CSDC2: variants seen among roughly 807,000 people sequenced by gnomAD.
CSDC2 encodes the protein cold shock domain-containing protein C2.
In CSDC2, 8 loss-of-function variants were observed where a neutral mutation model predicts 15.8. The observed-to-expected ratio is 0.51, with a 90% CI of 0.30 to 0.92. The LOEUF is 0.92. CSDC2 is among the 40% of genes least tolerant of loss of function. The pLI, the probability that CSDC2 is intolerant of heterozygous loss-of-function variation, is 0.07. For synonymous variants in CSDC2, 96 were observed against 92.3 expected, an observed-to-expected ratio of 1.04 and a Z score of -0.23; for missense variants, 195 against 213.3, an observed-to-expected ratio of 0.91 and a Z score of 0.53.
At chr22:41,564,479 C>G (rs1323779349) in intron 1 of CSDC2, among the ~76,000 whole-genome samples, 2 of 152,032 alleles carry the variant, frequency 1.3e-5, no homozygotes, top group Non-Finnish European at 2.9e-5. Flanking sequence ...CCAGGATGGT[C>G]TCAATCTCCT....
Position 41,561,045 on chromosome 22 carries a change from G to GACACACAGACACACAGAC in CSDC2, c.-255_-254insGACACACAGACACACACA, listed in dbSNP as rs560868541. On this transcript the variant is annotated 5_prime_UTR_variant, in exon 1 of 4. Coordinates refer to ENST00000306149, the MANE Select transcript of CSDC2 (RefSeq NM_014460.4). The stretch of plus-strand genomic sequence containing the variant: ...GGTACCGCCCGCGCGAGCACACACA[G>GACACACAGACACACAGAC]ACACACACACACACACACACACACA... 1.5e-5 allele frequency: 2 copies of GACACACAGACACACAGAC among 132,060 alleles called. No individual in the cohort carries two copies. The highest frequency in any genetic ancestry group is 5.7e-5 in the African/African-American group (2 of 35,206). 8.2% of individuals were successfully genotyped at this position (132,060 alleles called of 1,614,324 possible). A position where few individuals can be genotyped will look rare whatever the true frequency, so the allele number is the denominator to read the frequency against.
chr22:41,570,982 CAA>C (rs527329866), intron 1 of CSDC2, among the ~76,000 whole-genome samples: 9 of 82,378 alleles, frequency 1.1e-4, no homozygotes, highest in African/African-American at 9.3e-5. Context: ...GACCATGTCT[CAA>C]AAAAAAAAAA....
intron 1 of CSDC2, among the ~76,000 whole-genome samples, chr22:41,569,688 G>T (rs1328908207): frequency 6.6e-6 from 1 of 151,888 alleles, no homozygotes; most frequent in Non-Finnish European, 1.5e-5. Context: ...TCTGCTGATG[G>T]GCTCGGGCTG....
At chr22:41,574,126 C>T (rs976431012) in intron 3 of CSDC2, among the ~76,000 whole-genome samples, 1 of 152,160 alleles carries the variant, frequency 6.6e-6, no homozygotes, top group African/African-American at 2.4e-5. Flanking sequence ...CTAGGCCTGG[C>T]CCCACCCACT....
In CSDC2 at chr22:41,574,793, C is replaced by G. The variant is rs372256458; in HGVS notation, c.360C>G (p.Ile120Met). Residue 120 changes from isoleucine to methionine, a missense_variant, in exon 4 of 4, where the codon ATC becomes ATG. Transcript: ENST00000306149. ...GDEVTYKMCP[I>M]PPKNQKFQAV... Reference sequence around the variant, plus strand: ...AGGTGACCTACAAGATGTGCCCTATCCCTCCCAAGAACCAGAAGTTCCAGG... The same window carrying G: ...AGGTGACCTACAAGATGTGCCCTATGCCTCCCAAGAACCAGAAGTTCCAGG... 11 of 1,613,756 alleles carry G rather than the reference C, an allele frequency of 6.8e-6. No individual in the cohort carries two copies. In the African/African-American group the frequency reaches 1.2e-4, roughly 18 times the overall value.
At position 41,572,226 on chromosome 22, in the gene CSDC2, C is replaced by T. The variant is rs934979606; in HGVS notation, c.176+85C>T. 20 of 1,157,884 alleles carry T rather than the reference C, an allele frequency of 1.7e-5. No individual in the cohort carries two copies. The Middle Eastern group carries it at 1.1e-3, about 62-fold the overall frequency. 71.7% of individuals were successfully genotyped at this position (1,157,884 alleles called of 1,614,324 possible). A position where few individuals can be genotyped will look rare whatever the true frequency, so the allele number is the denominator to read the frequency against. ...CCATCCTCTTCCAACTCCTGTTGTC[C>T]TCACCTGGGACAGGGGAACTGTGTG... is the stretch of plus-strand genomic sequence containing the variant. On this transcript the variant is annotated intron_variant, in intron 2 of 3. Coordinates refer to ENST00000306149, the MANE Select transcript of CSDC2 (RefSeq NM_014460.4).
At chr22:41,567,752 T>C (rs2067123670) in intron 1 of CSDC2, among the ~76,000 whole-genome samples, 1 of 152,370 alleles carries the variant, frequency 6.6e-6, no homozygotes, top group African/African-American at 2.4e-5. Context: ...AGACTTTGAT[T>C]GGTGTGTGTC....
chr22:41,566,143 T>TAAAA (rs35579661), intron 1 of CSDC2, among the ~76,000 whole-genome samples: 50 of 103,288 alleles, frequency 4.8e-4, no homozygotes, highest in Non-Finnish European at 8.7e-4. Flanking sequence ...CATCTCTGAT[T>TAAAA]AAAAAAAAAA....
At chr22:41,569,448 C>A (rs2067133747) in intron 1 of CSDC2, among the ~76,000 whole-genome samples, 4 of 152,166 alleles carry the variant, frequency 2.6e-5, no homozygotes. Flanking sequence ...TCCTTCCCAG[C>A]CCTGGTGACC....
At chr22:41,573,870 C>A in intron 3 of CSDC2, 93 bp downstream of exon 3, 1 of 1,464,538 alleles carries the variant, frequency 6.8e-7, no homozygotes, top group Non-Finnish European at 9.3e-7. Context: ...CTCTCACTGG[C>A]TGAGGTCTGT....
chr22:41,565,613 G>C (rs1395464300), intron 1 of CSDC2, among the ~76,000 whole-genome samples: 1 of 152,092 alleles, frequency 6.6e-6, no homozygotes, highest in Non-Finnish European at 1.5e-5. Flanking sequence ...AAAAGTAAGA[G>C]AGAACCATGA....
rs2067169513 is a variant in CSDC2 at position 41,575,275 on chromosome 22, T to C, written c.*380T>C. On this transcript the variant is annotated 3_prime_UTR_variant, in exon 4 of 4. Coordinates refer to ENST00000306149, the MANE Select transcript of CSDC2 (RefSeq NM_014460.4). ...CACTCCCTGGCCTCCGCCCCTGAGC[T>C]GTCCCGTGTCAGTCCCTGGCCCGGA... 4.1e-6 allele frequency: 1 copy of C among 245,484 alleles called. No individual in the cohort carries two copies. The allele number at this position is 245,484 out of a possible 1,614,324, so 15.2% of individuals were successfully genotyped here.
At chr22:41,573,081 A>G (rs1003804564) in intron 2 of CSDC2, among the ~76,000 whole-genome samples, 7 of 152,184 alleles carry the variant, frequency 4.6e-5, no homozygotes, top group African/African-American at 1.7e-4. Context: ...ATGGTGGCTC[A>G]TGCCTGTAAT....
intron 1 of CSDC2, among the ~76,000 whole-genome samples, 196 bp downstream of exon 1, chr22:41,561,379 G>A (rs956268977): frequency 6.6e-6 from 1 of 152,232 alleles, no homozygotes; most frequent in African/African-American, 2.4e-5. Context: ...ATGAGGTGAG[G>A]CCGTGTGGCT....
chr22:41,562,649 G>A (rs2067093338), intron 1 of CSDC2, among the ~76,000 whole-genome samples: 1 of 152,176 alleles, frequency 6.6e-6, no homozygotes, highest in South Asian at 2.1e-4. Flanking sequence ...GGGCGCTCAG[G>A]ACCTGGCTGA....
intron 1 of CSDC2, among the ~76,000 whole-genome samples, chr22:41,562,166 C>A (rs1487328187): frequency 1.3e-5 from 2 of 152,056 alleles, no homozygotes; most frequent in African/African-American, 2.4e-5. Flanking sequence ...GAGAGCCTGG[C>A]ATCATGCTGC....
At chr22:41,568,101 G>C (rs2067125471) in intron 1 of CSDC2, among the ~76,000 whole-genome samples, 1 of 142,796 alleles carries the variant, frequency 7.0e-6, no homozygotes, top group Non-Finnish European at 1.5e-5. Flanking sequence ...AAGAGCCCTT[G>C]GAGGAGAGAG....
chr22:41,570,758 G>A (rs900150321), intron 1 of CSDC2, among the ~76,000 whole-genome samples: 7 of 149,288 alleles, frequency 4.7e-5, no homozygotes, highest in African/African-American at 1.7e-4. Context: ...GGAGGCAGAA[G>A]TGACAGTGAG....
intron 1 of CSDC2, among the ~76,000 whole-genome samples, chr22:41,564,444 C>T (rs557893481): frequency 5.3e-5 from 8 of 151,910 alleles, no homozygotes; most frequent in East Asian, 3.9e-4. Context: ...GTATTTTTAG[C>T]AGAGACGGGG....
Sources: allele counts gnomAD v4.1 joint callset (sites outside exome capture counted in the v4.1 genomes callset), GRCh38; gene constraint gnomAD v4.1.1; transcripts MANE v1.5; gene names NCBI Gene and HGNC (gene_info 2026-07-23, HGNC 2026-07-21).